PHF19: variants seen among roughly 807,000 people sequenced by gnomAD.
PHF19 encodes PHD finger protein 19, also known as polycomb like 3.
Under a neutral mutation model 79.8 loss-of-function variants are expected in PHF19, and 21 were observed. The observed-to-expected ratio is 0.26, with a 90% CI of 0.19 to 0.38. The LOEUF (loss-of-function observed/expected upper bound fraction) is 0.38. PHF19 is among the 10% of genes least tolerant of loss of function. The probability of loss-of-function intolerance (pLI) is 1.00; values close to 1 mark genes in which losing one functional copy is unlikely to be tolerated. For synonymous variants in PHF19, 273 were observed against 296.3 expected, an observed-to-expected ratio of 0.92 and a Z score of 0.81; for missense variants, 445 against 744.2, an observed-to-expected ratio of 0.60 and a Z score of 4.68.
chr9:120,903,426 C>G, the PHF19 span: 2 of 152,330 alleles, frequency 1.3e-5, no homozygotes, highest in African/African-American at 2.4e-5. Flanking sequence ...CCCATTGAGA[C>G]TGCCGTGCCA....
At chr9:120,901,507 T>C in the PHF19 span, among the ~76,000 whole-genome samples, 2 of 152,224 alleles carry the variant, frequency 1.3e-5, no homozygotes, top group Non-Finnish European at 2.9e-5. Flanking sequence ...AAATACCTGA[T>C]TTCTAATGCC....
At chr9:120,892,532 A>C (rs1056426856) in intron 1 of PHF19, among the ~76,000 whole-genome samples, 4 of 152,190 alleles carry the variant, frequency 2.6e-5, no homozygotes, top group Admixed American at 2.6e-4. Flanking sequence ...ATGGTGTGCC[A>C]GTGTCTTATG....
Position 120,873,981 on chromosome 9 carries a change from T to C in PHF19, c.266A>G (p.His89Arg). Residue 89 changes from histidine to arginine, a missense_variant and splice_region_variant, in exon 3 of 15, where the codon CAT (histidine) becomes CGT (arginine). This residue lies in a region of PHF19 where 167 missense variants were observed against 375.8 expected (regional missense o/e 0.44). Coordinates refer to ENST00000373896, the MANE Select transcript of PHF19 (RefSeq NM_015651.3). ...CCCGAAATGTTAGGAAAACTCACCA[T>C]GCTGTATGTCCTTCCATAGGACCCA... ...KYWVLWKDIQ[H>R]AGVPGEEPKC... 1.3e-6 allele frequency: 2 copies of C among 1,563,606 alleles called. No individual in the cohort carries two copies. The highest frequency in any genetic ancestry group is 1.8e-6 in the Non-Finnish European group (2 of 1,134,574).
chr9:120,889,817 G>GA (rs1334670110), intron 1 of PHF19, among the ~76,000 whole-genome samples: 3 of 151,506 alleles, frequency 2.0e-5, no homozygotes, highest in African/African-American at 2.4e-5. Context: ...GAAAGAGAAA[G>GA]AAAAAAGAGA....
intron 1 of PHF19, among the ~76,000 whole-genome samples, chr9:120,888,325 A>T (rs2046296784): frequency 6.6e-6 from 1 of 152,130 alleles, no homozygotes; most frequent in South Asian, 2.1e-4. Flanking sequence ...AAGCTCCCAG[A>T]TGGGAATGGA....
At chr9:120,882,128 A>G (rs1469866595), upstream of PHF19, among the ~76,000 whole-genome samples, 2 of 152,192 alleles carry the variant, frequency 1.3e-5, no homozygotes, top group South Asian at 4.1e-4. Context: ...TCCATTTTGC[A>G]GGGGATGAAA....
chr9:120,887,959 C>G (rs72758146), intron 1 of PHF19, among the ~76,000 whole-genome samples: 1 of 152,096 alleles, frequency 6.6e-6, no homozygotes, highest in South Asian at 2.1e-4. Context: ...CCTAATGACA[C>G]GCGTGCACGT....
At chr9:120,882,184 TAGAG>T (rs1193394878), upstream of PHF19, among the ~76,000 whole-genome samples, 1 of 152,212 alleles carries the variant, frequency 6.6e-6, no homozygotes, top group African/African-American at 2.4e-5. Flanking sequence ...TCACACACAA[TAGAG>T]AGTCAGGGCT....
At chr9:120,863,408 G>A (rs2045596108) in intron 10 of PHF19, among the ~76,000 whole-genome samples, 1 of 151,930 alleles carries the variant, frequency 6.6e-6, no homozygotes, top group Non-Finnish European at 1.5e-5. Context: ...GCCCGACATA[G>A]AACAGCAACT....
intron 13 of PHF19, 26 bp downstream of exon 13, chr9:120,861,063 C>A (rs761666636): frequency 7.6e-7 from 1 of 1,322,718 alleles, no homozygotes; most frequent in Non-Finnish European, 1.1e-6. Flanking sequence ...CAGAGCAGAC[C>A]TCTGTGCTAG....
At chr9:120,882,494 C>T (rs2046201021) in intron 1 of PHF19, among the ~76,000 whole-genome samples, 1 of 152,104 alleles carries the variant, frequency 6.6e-6, no homozygotes, top group Non-Finnish European at 1.5e-5. Context: ...TTTGAGAGAA[C>T]ATCATTTTCT....
chr9:120,889,831 AGAAAAAG>A (rs1305258462), intron 1 of PHF19, among the ~76,000 whole-genome samples: 1 of 152,080 alleles, frequency 6.6e-6, no homozygotes. Flanking sequence ...AAAGAGAAAA[AGAAAAAG>A]AAAGAACTAA....
the PHF19 span, among the ~76,000 whole-genome samples, chr9:120,901,235 C>T: frequency 6.6e-6 from 1 of 152,138 alleles, no homozygotes; most frequent in Non-Finnish European, 1.5e-5. Context: ...CTCTGTCTCC[C>T]AGGCTGGAGT....
At position 120,869,611 on chromosome 9, in the gene PHF19, C is replaced by A; in HGVS notation, c.465+234G>T. 1 of 1,501,362 alleles carries A rather than the reference C, an allele frequency of 6.7e-7. No individual in the cohort carries two copies. Among genetic ancestry groups the A allele is most frequent in the Non-Finnish European group, 8.9e-7 (1 of 1,122,836 alleles). The allele number at this position is 1,501,362 out of a possible 1,614,324, so 93.0% of individuals were successfully genotyped here. On this transcript the variant is annotated intron_variant, in intron 5 of 14. Transcript: ENST00000373896. This position sits in a 1 kb window ranked among gnomAD's most constrained non-coding sequence, Gnocchi z 5.8. ...ATTTTCTTTTTTAATAGTAAAGCAT[C>A]ATTTATTGGTCCCGTTATTCCCGAC...
At position 120,858,130 on chromosome 9, in the gene PHF19, G is replaced by A; in HGVS notation, c.1557C>T (p.Ser519=). Reference sequence around the variant, plus strand: ...CTTCACTGATGCTCTCAAATGTGTGGCTGTCAATGCCTTCGTCTGGCCGCT... The same window carrying A: ...CTTCACTGATGCTCTCAAATGTGTGACTGTCAATGCCTTCGTCTGGCCGCT... The part of the protein sequence containing the change: ...VPERPDEGID[S]HTFESISEDD... The change falls in exon 15 of 15, where the codon AGC becomes AGT. Residue 519 remains serine, a synonymous_variant. Coordinates refer to ENST00000373896, the MANE Select transcript of PHF19 (RefSeq NM_015651.3). The A allele has an allele frequency of 6.2e-7, 1 of 1,614,006 alleles. No individual in the cohort carries two copies. The highest frequency in any genetic ancestry group is 8.5e-7 in the Non-Finnish European group (1 of 1,179,870).
At chr9:120,886,421 G>A in intron 1 of PHF19, among the ~76,000 whole-genome samples, 1 of 152,246 alleles carries the variant, frequency 6.6e-6, no homozygotes, top group East Asian at 1.9e-4. Context: ...TGCGAAGGCA[G>A]CTAGACAGAA....
chr9:120,877,207 G>A (rs2046090673), upstream of PHF19: 1 of 981,554 alleles, frequency 1.0e-6, no homozygotes, highest in Admixed American at 6.2e-5. Flanking sequence ...GTGGGGCCGG[G>A]GTCGGGGTCT....
chr9:120,862,467 T>G lies in PHF19; in HGVS notation c.1130+121A>C. 1.3e-6 allele frequency: 1 copy of G among 782,770 alleles called. No homozygotes were observed. Among genetic ancestry groups the G allele is most frequent in the Non-Finnish European group, 2.1e-6 (1 of 477,332 alleles). The allele number at this position is 782,770 out of a possible 1,614,324, so 48.5% of individuals were successfully genotyped here. A position where few individuals can be genotyped will look rare whatever the true frequency, so the allele number is the denominator to read the frequency against. ...GGGATCTGGGATCCCGCTCAGCCAC[T>G]ATCTAGCCCTCTCAGGGTCCTACAG... On this transcript the variant is annotated intron_variant, in intron 11 of 14. Transcript: ENST00000373896. This position sits in a 1 kb window ranked among gnomAD's most constrained non-coding sequence, Gnocchi z 4.6.
chr9:120,873,746 T>C (rs1430873780), intron 3 of PHF19, among the ~76,000 whole-genome samples: 1 of 152,230 alleles, frequency 6.6e-6, no homozygotes, highest in African/African-American at 2.4e-5. Context: ...CTTCCCCACC[T>C]GCCCATCCTC....
Sources: allele counts gnomAD v4.1 joint callset (sites outside exome capture counted in the v4.1 genomes callset), GRCh38; gene constraint gnomAD v4.1.1; regional missense constraint gnomAD v4.1.1; non-coding constraint Gnocchi (gnomAD v3.1); transcripts MANE v1.5; gene names NCBI Gene and HGNC (gene_info 2026-07-23, HGNC 2026-07-21).